Variants in FAM151B observed in about 807,000 individuals in gnomAD.
The protein encoded by FAM151B is family with sequence similarity 151 member B, also known as protein FAM151B.
A neutral mutation model predicts 31.2 loss-of-function variants in FAM151B; 24 were observed. The ratio of observed to expected loss-of-function variants is 0.77; its 90% CI spans 0.56 to 1.08. The LOEUF (loss-of-function observed/expected upper bound fraction) is 1.08, where lower values mean the gene tolerates loss of function less well. Among genes scored for constraint, FAM151B ranks in the 50% least tolerant of loss-of-function variants. The probability of loss-of-function intolerance (pLI) is 0.00; values close to 1 mark genes in which losing one functional copy is unlikely to be tolerated. For missense variants in FAM151B, 293 were observed against 328.6 expected (o/e 0.89, Z 0.84); for synonymous variants, 105 against 111.4 (o/e 0.94, Z 0.36).
intron 1 of FAM151B, 81 bp downstream of exon 1, chr5:80,488,229 TC>T: frequency 6.8e-7 from 1 of 1,470,918 alleles, no homozygotes. Context: ...CTTTGCGGGC[TC>T]CCGCGGTCTT....
At chr5:80,510,241 C>T (rs1162314754) in intron 2 of FAM151B, among the ~76,000 whole-genome samples, 1 of 152,106 alleles carries the variant, frequency 6.6e-6, no homozygotes, top group African/African-American at 2.4e-5. Context: ...GCTGGGTGCC[C>T]AGCTGGGCCT....
intron 2 of FAM151B, among the ~76,000 whole-genome samples, chr5:80,504,514 C>CTTTTTTTTTTTTTTTTTT (rs11340979): frequency 1.7e-5 from 1 of 58,716 alleles, no homozygotes; most frequent in Non-Finnish European, 3.0e-5. Context: ...GACTATTACT[C>CTTTTTTTTTTTTTTTTTT]TTTTTTTTTT....
intron 2 of FAM151B, among the ~76,000 whole-genome samples, chr5:80,511,694 C>T (rs1213752182): frequency 1.3e-5 from 2 of 152,036 alleles, no homozygotes; most frequent in African/African-American, 2.4e-5. Flanking sequence ...GCAACTTCCG[C>T]CTCCTGGGTT....
chr5:80,518,400 G>A (rs1744560033), intron 3 of FAM151B, among the ~76,000 whole-genome samples: 1 of 152,144 alleles, frequency 6.6e-6, no homozygotes, highest in Non-Finnish European at 1.5e-5. Flanking sequence ...GGAGTCACAG[G>A]TACAAGTTGC....
At chr5:80,518,075 G>GA (rs796173147) in intron 3 of FAM151B, among the ~76,000 whole-genome samples, 1,260 of 72,784 alleles carry the variant, frequency 0.017, 9 homozygotes, top group Non-Finnish European at 0.025. Context: ...CCATCTCAAA[G>GA]AAAAAAAAAA....
At chr5:80,504,429 G>A (rs759436818) in intron 2 of FAM151B, among the ~76,000 whole-genome samples, 3 of 150,772 alleles carry the variant, frequency 2.0e-5, no homozygotes, top group Non-Finnish European at 2.9e-5. Flanking sequence ...CTTTACATGG[G>A]CCCAGAGACT....
At chr5:80,516,700 A>G (rs775342635) in intron 3 of FAM151B, among the ~76,000 whole-genome samples, 13 of 152,202 alleles carry the variant, frequency 8.5e-5, no homozygotes, top group Non-Finnish European at 1.5e-4. Context: ...ACTTAGTACT[A>G]ATATATGTAA....
chr5:80,520,740 A>G (rs2112642538), intron 4 of FAM151B, among the ~76,000 whole-genome samples: 1 of 147,930 alleles, frequency 6.8e-6, no homozygotes, highest in East Asian at 1.9e-4. Context: ...ATATAAAAAT[A>G]TATATTCTCT....
At chr5:80,538,472 TTCTTTC>T (rs1471298569) in intron 5 of FAM151B, among the ~76,000 whole-genome samples, 8 of 116,688 alleles carry the variant, frequency 6.9e-5, no homozygotes, top group Non-Finnish European at 1.2e-4. Context: ...CTTTCTTTCT[TTCTTTC>T]TTTCTTTCCT....
intron 2 of FAM151B, among the ~76,000 whole-genome samples, chr5:80,507,874 C>T (rs1744032801): frequency 6.6e-6 from 1 of 152,156 alleles, no homozygotes; most frequent in Non-Finnish European, 1.5e-5. Flanking sequence ...ACGCTCCCTC[C>T]TCCTTGGGCT....
At position 80,542,022 on chromosome 5, in the gene FAM151B, A is replaced by AGG. The variant is rs1745922105; in HGVS notation, c.*191_*192insGG. On this transcript the variant is annotated 3_prime_UTR_variant, in exon 6 of 6. Coordinates refer to ENST00000282226, the MANE Select transcript of FAM151B (RefSeq NM_205548.3). The stretch of plus-strand genomic sequence containing the variant: ...GTGCACTTACATAAAAGATTTGGAA[A>AGG]GAAGAGATTTATTTACACACGTGGC... 2 of 582,486 alleles carry AGG rather than the reference A, an allele frequency of 3.4e-6. No homozygotes were observed. Among genetic ancestry groups the AGG allele is most frequent in the African/African-American group, 1.9e-5 (1 of 52,682 alleles). 36.1% of individuals were successfully genotyped at this position (582,486 alleles called of 1,614,324 possible).
intron 3 of FAM151B, among the ~76,000 whole-genome samples, chr5:80,514,116 T>C (rs934141324): frequency 1.3e-5 from 2 of 152,204 alleles, no homozygotes; most frequent in Admixed American, 6.5e-5. Flanking sequence ...ATTTGATTTA[T>C]GTTATTATAT....
chr5:80,511,612 A>C (rs1188510527), intron 2 of FAM151B, among the ~76,000 whole-genome samples: 3 of 151,666 alleles, frequency 2.0e-5, no homozygotes, highest in Admixed American at 6.6e-5. Flanking sequence ...TCTTTAAAAA[A>C]AATTTTTTTT....
chr5:80,488,819 C>G (rs1398754812), intron 1 of FAM151B, among the ~76,000 whole-genome samples: 8 of 152,096 alleles, frequency 5.3e-5, no homozygotes, highest in Admixed American at 5.2e-4. Context: ...TCTTCTGAAT[C>G]GATGCACAGT....
chr5:80,534,551 C>A (rs1745404831), intron 5 of FAM151B, among the ~76,000 whole-genome samples: 2 of 152,090 alleles, frequency 1.3e-5, no homozygotes, highest in Admixed American at 1.3e-4. Flanking sequence ...GGGTAAAATT[C>A]AACATCCCTT....
chr5:80,489,627 A>T (rs977585927), intron 1 of FAM151B, among the ~76,000 whole-genome samples: 7 of 152,338 alleles, frequency 4.6e-5, no homozygotes, highest in Non-Finnish European at 8.8e-5. Flanking sequence ...GCCATTTTTT[A>T]AAAAACAAAT....
chr5:80,522,327 T>G, intron 5 of FAM151B, 189 bp downstream of exon 5: 1 of 491,502 alleles, frequency 2.0e-6, no homozygotes, highest in Non-Finnish European at 3.4e-6. Context: ...TTAACTTACT[T>G]AACATCGTAT....
chr5:80,496,806 T>C (rs1743557892), intron 1 of FAM151B, among the ~76,000 whole-genome samples: 1 of 127,086 alleles, frequency 7.9e-6, no homozygotes, highest in Non-Finnish European at 1.7e-5. Context: ...TTAATTTTTT[T>C]TTTTTTTTTT....
chr5:80,534,304 A>G, intron 5 of FAM151B, among the ~76,000 whole-genome samples: 1 of 152,160 alleles, frequency 6.6e-6, no homozygotes, highest in East Asian at 1.9e-4. Flanking sequence ...GACACATTAA[A>G]AAAAAAACCT....
Sources: gnomAD v4.1 joint callset for allele counts (sites outside exome capture counted in the v4.1 genomes callset) on GRCh38, gnomAD v4.1.1 for gene constraint, MANE v1.5 for transcripts, NCBI Gene and HGNC (gene_info 2026-07-23, HGNC 2026-07-21) for gene names.